The following MECOM variants were observed in gnomAD, a reference collection of about 807,000 sequenced individuals.
MECOM encodes the protein MDS1 and EVI1 complex locus, also known as histone-lysine N-methyltransferase MECOM.
Under a neutral mutation model 116.3 loss-of-function variants are expected in MECOM, and 13 were observed. The ratio of observed to expected loss-of-function variants is 0.11; its 90% CI spans 0.07 to 0.18. The LOEUF (loss-of-function observed/expected upper bound fraction) is 0.18, where lower values mean the gene tolerates loss of function less well. MECOM is among the 10% of genes least tolerant of loss of function. MECOM has a pLI of 1.00. For synonymous variants in MECOM, 528 were observed against 535.2 expected (o/e 0.99, Z 0.19); for missense variants, 1,299 against 1,509.0 (o/e 0.86, Z 2.31).
intron 1 of MECOM, among the ~76,000 whole-genome samples, chr3:169,551,323 A>T (rs1217262383): frequency 6.6e-6 from 1 of 152,094 alleles, no homozygotes; most frequent in Non-Finnish European, 1.5e-5. Context: ...CAGTGGTGAT[A>T]TCCAAAAGAG....
In MECOM at chr3:169,125,722, T is replaced by G. The variant is rs1400730476; in HGVS notation, c.830+2122A>C. Among the ~76,000 whole-genome samples the G allele has an allele frequency of 3.3e-5, 5 of 152,268 alleles. No homozygotes were observed. In the East Asian group the frequency reaches 9.6e-4, roughly 29 times the overall value. On this transcript the variant is annotated intron_variant, in intron 5 of 16. Transcript: ENST00000651503. The stretch of plus-strand genomic sequence containing the variant: ...ATGCAGTCAGTCAGTGAGACTTCTC[T>G]GCTTTTCGTGGAATTTTATCTCAAT...
intron 1 of MECOM, chr3:169,473,066 G>T: frequency 1.6e-6 from 1 of 620,092 alleles, no homozygotes; most frequent in Non-Finnish European, 2.0e-6. Flanking sequence ...ACAGTCTCCT[G>T]GTTTCCAAAA....
chr3:169,372,687 G>T (rs1730341940), intron 2 of MECOM, among the ~76,000 whole-genome samples: 1 of 152,006 alleles, frequency 6.6e-6, no homozygotes, highest in African/African-American at 2.4e-5. Flanking sequence ...TAGCCAAGCT[G>T]CTTCTGCTGT....
At chr3:169,560,489 C>T (rs1560433276) in intron 1 of MECOM, among the ~76,000 whole-genome samples, 1 of 151,822 alleles carries the variant, frequency 6.6e-6, no homozygotes, top group African/African-American at 2.4e-5. Context: ...AATTTATATC[C>T]CCTTTGGCCC....
At chr3:169,365,986 G>C (rs1049695353) in intron 2 of MECOM, among the ~76,000 whole-genome samples, 3 of 151,988 alleles carry the variant, frequency 2.0e-5, no homozygotes, top group South Asian at 2.1e-4. Flanking sequence ...AGGTAATGGA[G>C]AGAGAGGACT....
At chr3:169,202,937 A>G (rs1255614233) in intron 2 of MECOM, among the ~76,000 whole-genome samples, 4 of 152,090 alleles carry the variant, frequency 2.6e-5, no homozygotes, top group African/African-American at 9.7e-5. Flanking sequence ...AATGTAATAT[A>G]CAAGGGACTG....
chr3:169,166,866 G>C (rs74973182), intron 2 of MECOM, among the ~76,000 whole-genome samples: 1 of 152,224 alleles, frequency 6.6e-6, no homozygotes, highest in East Asian at 1.9e-4. Context: ...GATTACAGCC[G>C]TAAGCCACTG....
intron 1 of MECOM, among the ~76,000 whole-genome samples, chr3:169,590,740 G>A (rs922046405): frequency 6.6e-6 from 1 of 152,204 alleles, no homozygotes; most frequent in African/African-American, 2.4e-5. Context: ...GATGGTGGAT[G>A]TGAAATAATT....
chr3:169,413,094 G>T (rs1036414673), intron 1 of MECOM, among the ~76,000 whole-genome samples: 1 of 152,236 alleles, frequency 6.6e-6, no homozygotes, highest in South Asian at 2.1e-4. Context: ...GCTCTGATCT[G>T]CAGCTCCCAG....
chr3:169,107,811 T>C lies in MECOM; in HGVS notation c.2604+115A>G, dbSNP rs182510479. 4,286 of 787,342 alleles carry C rather than the reference T, an allele frequency of 5.4e-3. 23 individuals are homozygous for C. Among genetic ancestry groups the C allele is most frequent in the Admixed American group, 7.1e-3 (271 of 38,020 alleles). The allele number at this position is 787,342 out of a possible 1,614,324, so 48.8% of individuals were successfully genotyped here. On this transcript the variant is annotated intron_variant, in intron 10 of 16. Coordinates refer to ENST00000651503, the MANE Select transcript of MECOM (RefSeq NM_004991.4). ...AGGGAAACTATCTGCTGGAACCATATCACGTAATGGAAAGGGGTTCAGAAT... is the reference window on the plus strand; with the variant it reads ...AGGGAAACTATCTGCTGGAACCATACCACGTAATGGAAAGGGGTTCAGAAT...
chr3:169,482,569 C>T (rs1271709741), intron 1 of MECOM, among the ~76,000 whole-genome samples: 2 of 152,012 alleles, frequency 1.3e-5, no homozygotes, highest in Non-Finnish European at 2.9e-5. Context: ...CTCCTGACCT[C>T]GTGATCCGCC....
intron 2 of MECOM, among the ~76,000 whole-genome samples, chr3:169,315,048 T>A (rs1197731788): frequency 2.6e-5 from 4 of 152,170 alleles, no homozygotes; most frequent in Admixed American, 6.5e-5. Context: ...ATGGGGAAAT[T>A]GAGGCCCTGA....
chr3:169,406,387 T>C (rs1430732121), intron 1 of MECOM, among the ~76,000 whole-genome samples: 1 of 152,206 alleles, frequency 6.6e-6, no homozygotes. Flanking sequence ...TTCCAGCTTA[T>C]ATTCTATGAG....
chr3:169,481,776 G>T (rs1349746438), intron 1 of MECOM, among the ~76,000 whole-genome samples: 1 of 152,062 alleles, frequency 6.6e-6, no homozygotes, highest in Non-Finnish European at 1.5e-5. Flanking sequence ...GAACATTACT[G>T]CAATGACTGC....
chr3:169,495,629 A>C (rs772446879), intron 1 of MECOM, among the ~76,000 whole-genome samples: 6 of 152,174 alleles, frequency 3.9e-5, no homozygotes, highest in Non-Finnish European at 7.3e-5. Context: ...TCATATTCCA[A>C]TACTCATTCT....
chr3:169,564,639 TG>T (rs1763014506), intron 1 of MECOM, among the ~76,000 whole-genome samples: 1 of 152,250 alleles, frequency 6.6e-6, no homozygotes, highest in African/African-American at 2.4e-5. Flanking sequence ...AAAATGGTAT[TG>T]CCCATGCAAG....
intron 2 of MECOM, among the ~76,000 whole-genome samples, chr3:169,341,587 A>G (rs1472406381): frequency 6.6e-6 from 1 of 151,956 alleles, no homozygotes; most frequent in Non-Finnish European, 1.5e-5. Context: ...TAAAAATACA[A>G]AAATTAGCTG....
chr3:169,388,809 T>C (rs1452821418), intron 1 of MECOM, among the ~76,000 whole-genome samples: 1 of 152,246 alleles, frequency 6.6e-6, no homozygotes, highest in Non-Finnish European at 1.5e-5. Context: ...ATTTTTTTAA[T>C]GACCCTCTAA....
intron 2 of MECOM, among the ~76,000 whole-genome samples, chr3:169,247,397 C>A (rs1205982662): frequency 6.6e-6 from 1 of 152,102 alleles, no homozygotes; most frequent in Non-Finnish European, 1.5e-5. Context: ...CCTCCACCTC[C>A]CGCGTTCAAG....
Sources: gnomAD v4.1 joint callset for allele counts (sites outside exome capture counted in the v4.1 genomes callset) on GRCh38, gnomAD v4.1.1 for gene constraint, MANE v1.5 for transcripts, NCBI Gene and HGNC (gene_info 2026-07-23, HGNC 2026-07-21) for gene names.